The following SCN8A variants were observed in gnomAD, a reference collection of about 807,000 sequenced individuals.
SCN8A encodes sodium voltage-gated channel alpha subunit 8, also known as sodium channel protein type 8 subunit alpha.
In SCN8A, 30 loss-of-function variants were observed where a neutral mutation model predicts 184.1. The ratio of observed to expected loss-of-function variants is 0.16; its 90% CI spans 0.12 to 0.22. SCN8A has a LOEUF of 0.22. SCN8A is among the 10% of genes least tolerant of loss of function. The probability of loss-of-function intolerance (pLI) is 1.00; values close to 1 mark genes in which losing one functional copy is unlikely to be tolerated. For synonymous variants in SCN8A, 852 were observed against 907.0 expected (o/e 0.94, Z 1.09); for missense variants, 1,057 against 2,498.9 (o/e 0.42, Z 12.30).
At chr12:51,780,624 G>C (rs746773100) in intron 20 of SCN8A, 25 bp from the exon 21 acceptor site, 1 of 190,130 alleles carries the variant, frequency 5.3e-6, no homozygotes, top group Admixed American at 1.8e-4. Flanking sequence ...TTTTGTTTTT[G>C]TTTTTCTCTT....
In SCN8A at chr12:51,799,782, G is replaced by A. The variant is rs574737482; in HGVS notation, c.4795+5141G>A. ...CAAAATCCAAATAGGCCCACTAGGC[G>A]TTGTGACTCTTTCTTGGTTGTAGGA... is the stretch of plus-strand genomic sequence containing the variant. On this transcript the variant is annotated intron_variant, in intron 26 of 26. Transcript: ENST00000627620. Among the ~76,000 whole-genome samples, 46 of 152,306 alleles carry A rather than the reference G, an allele frequency of 3.0e-4. 1 individual carries two copies. The South Asian group carries it at 6.0e-3, about 20-fold the overall frequency.
intron 1 of SCN8A, among the ~76,000 whole-genome samples, chr12:51,660,553 G>C (rs1215761275): frequency 6.6e-6 from 1 of 152,186 alleles, no homozygotes; most frequent in Non-Finnish European, 1.5e-5. Flanking sequence ...AGACCTCTGG[G>C]AATTTATTCT....
In SCN8A at chr12:51,721,786, T is replaced by C. The variant is rs753009673; in HGVS notation, c.1876T>C (p.Ser626Pro). 63 of 1,610,380 alleles carry C rather than the reference T, an allele frequency of 3.9e-5. No individual in the cohort carries two copies. Among genetic ancestry groups the C allele is most frequent in the Non-Finnish European group, 5.3e-5 (62 of 1,179,214 alleles). The change falls in exon 12 of 27, where the codon TCC becomes CCC. Residue 626 changes from serine (S) to proline (P), a missense_variant. Around this residue, in one of 19 missense-constraint regions of SCN8A, gnomAD observed 322 missense variants for 390.1 expected, o/e 0.83. Coordinates refer to ENST00000627620, the MANE Select transcript of SCN8A (RefSeq NM_001330260.2). ...CAGCGGCTACAGCCAGGGCAGCCGC[T>C]CCTCGCGCATCTTCCCCAGCCTGCG... The part of the protein sequence containing the change: ...GYSGYSQGSR[S>P]SRIFPSLRRS...
intron 12 of SCN8A, among the ~76,000 whole-genome samples, chr12:51,742,263 T>G (rs1942439174): frequency 6.6e-6 from 1 of 152,228 alleles, no homozygotes; most frequent in Non-Finnish European, 1.5e-5. Context: ...TGTGTTTTTC[T>G]GTATGCCTAC....
At chr12:51,622,605 C>T (rs1295543311) in intron 1 of SCN8A, among the ~76,000 whole-genome samples, 1 of 152,092 alleles carries the variant, frequency 6.6e-6, no homozygotes, top group African/African-American at 2.4e-5. Flanking sequence ...GAAGTGCCTT[C>T]CTCATATCAT....
chr12:51,800,264 A>G (rs1265051468), intron 26 of SCN8A, among the ~76,000 whole-genome samples: 1 of 152,260 alleles, frequency 6.6e-6, no homozygotes. Context: ...TTGCTCAAGC[A>G]ATGAAACCGC....
intron 11 of SCN8A, among the ~76,000 whole-genome samples, 173 bp from the exon 12 acceptor site, chr12:51,721,373 G>A (rs992289808): frequency 1.3e-5 from 2 of 151,994 alleles, no homozygotes; most frequent in African/African-American, 4.8e-5. Context: ...GTAACAATGG[G>A]TGATGAACTG....
At chr12:51,640,186 C>T (rs1189955963) in intron 1 of SCN8A, among the ~76,000 whole-genome samples, 3 of 120,670 alleles carry the variant, frequency 2.5e-5, no homozygotes, top group African/African-American at 6.4e-5. Context: ...GCTGGGATTA[C>T]GGATATGAGC....
intron 12 of SCN8A, among the ~76,000 whole-genome samples, chr12:51,739,628 G>A (rs411176): frequency 0.74 from 112,715 of 152,012 alleles, 44,884 homozygotes; most frequent in East Asian, 0.9. Context: ...AGGCATCCGA[G>A]CTCCCCTTCT....
intron 11 of SCN8A, among the ~76,000 whole-genome samples, chr12:51,711,548 A>C (rs958057023): frequency 1.3e-5 from 2 of 152,218 alleles, no homozygotes; most frequent in African/African-American, 2.4e-5. Context: ...ATTTGAACCC[A>C]GGTTCATCCA....
intron 25 of SCN8A, among the ~76,000 whole-genome samples, chr12:51,792,465 G>A (rs1938286445): frequency 6.8e-6 from 1 of 146,728 alleles, no homozygotes; most frequent in African/African-American, 2.6e-5. Context: ...CTCCAGCCTG[G>A]GGAAGACAGC....
chr12:51,621,307 T>A (rs1939957258), intron 1 of SCN8A, among the ~76,000 whole-genome samples: 1 of 152,198 alleles, frequency 6.6e-6, no homozygotes, highest in Admixed American at 6.5e-5. Context: ...GTCTGGAAAT[T>A]CCCTCTTGAA....
At chr12:51,722,070 T>A in intron 12 of SCN8A, 162 bp downstream of exon 12, 1 of 1,070,506 alleles carries the variant, frequency 9.3e-7, no homozygotes, top group Non-Finnish European at 1.4e-6. Flanking sequence ...CCCCAGCCAT[T>A]TCTGTGTTCT....
intron 6 of SCN8A, among the ~76,000 whole-genome samples, chr12:51,695,041 T>C (rs978852006): frequency 1.3e-5 from 2 of 152,258 alleles, no homozygotes; most frequent in African/African-American, 4.8e-5. Context: ...TGTGTGATCA[T>C]GTGCCTTCCT....
rs565518225 is a variant in SCN8A, at chr12:51,710,882, C to T, written c.1635+4167C>T. Among the ~76,000 whole-genome samples the T allele has an allele frequency of 9.2e-5, 14 of 152,288 alleles. No homozygotes were observed. The East Asian group carries it at 2.5e-3, about 27-fold the overall frequency. ...TTTTACTCTACATATAGAAAGTACT[C>T]TACATATACTCTGTGTGCATATTTA... On this transcript the variant is annotated intron_variant, in intron 11 of 26. Transcript: ENST00000627620.
intron 14 of SCN8A, among the ~76,000 whole-genome samples, chr12:51,761,901 G>A (rs1345443126): frequency 6.6e-6 from 1 of 151,408 alleles, no homozygotes; most frequent in African/African-American, 2.4e-5. Flanking sequence ...TGTATTCTAT[G>A]ATTTTCCAAC....
intron 12 of SCN8A, among the ~76,000 whole-genome samples, chr12:51,741,693 C>A (rs910791959): frequency 2.0e-5 from 3 of 151,900 alleles, no homozygotes; most frequent in African/African-American, 7.3e-5. Flanking sequence ...TCTCATAATC[C>A]ATTATTTTAT....
intron 26 of SCN8A, among the ~76,000 whole-genome samples, chr12:51,797,726 T>TTC (rs1938449449): frequency 6.6e-6 from 1 of 152,226 alleles, no homozygotes; most frequent in African/African-American, 2.4e-5. Context: ...TGTGGAGCAG[T>TTC]AGACTGATTT....
At chr12:51,688,642 CT>C in intron 5 of SCN8A, 3 of 708,074 alleles carry the variant, frequency 4.2e-6, no homozygotes, top group Non-Finnish European at 7.4e-6. Flanking sequence ...TGAAGCTTTT[CT>C]TTTTCAAGGA....
Sources: allele counts gnomAD v4.1 joint callset (sites outside exome capture counted in the v4.1 genomes callset), GRCh38; gene constraint gnomAD v4.1.1; regional missense constraint gnomAD v4.1.1; transcripts MANE v1.5; gene names NCBI Gene and HGNC (gene_info 2026-07-23, HGNC 2026-07-21).